Variants in WDPCP observed in about 807,000 individuals in gnomAD.
The protein encoded by WDPCP is WD repeat-containing and planar cell polarity effector protein fritz homolog.
Under a neutral mutation model 93.1 loss-of-function variants are expected in WDPCP, and 71 were observed. That is an observed-to-expected ratio of 0.76 (90% CI 0.63 to 0.93). The LOEUF (loss-of-function observed/expected upper bound fraction) is 0.93. WDPCP is among the 40% of genes least tolerant of loss of function. The probability of loss-of-function intolerance (pLI) is 0.00; values close to 1 mark genes in which losing one functional copy is unlikely to be tolerated. For synonymous variants in WDPCP, 315 were observed against 315.0 expected (o/e 1.00, Z 0.00); for missense variants, 844 against 887.4 (o/e 0.95, Z 0.62).
intron 2 of WDPCP, among the ~76,000 whole-genome samples, chr2:63,670,480 G>T (rs1575743419): frequency 6.6e-6 from 1 of 152,266 alleles, no homozygotes; most frequent in Non-Finnish European, 1.5e-5. Flanking sequence ...GTGGCTTCTA[G>T]ATTTTTTAAT....
At chr2:63,394,923 C>G (rs1374622468) in intron 10 of WDPCP, among the ~76,000 whole-genome samples, 1 of 152,022 alleles carries the variant, frequency 6.6e-6, no homozygotes, top group Admixed American at 6.6e-5. Flanking sequence ...GATCGAAAAA[C>G]TGCCTATTGA....
At chr2:63,502,141 G>A (rs1242625039) in intron 1 of WDPCP, among the ~76,000 whole-genome samples, 1 of 152,002 alleles carries the variant, frequency 6.6e-6, no homozygotes, top group Non-Finnish European at 1.5e-5. Context: ...TGTTCATTTT[G>A]TGTTTTTATA....
chr2:63,134,578 C>A (rs1325021291), intron 17 of WDPCP, among the ~76,000 whole-genome samples: 1 of 152,160 alleles, frequency 6.6e-6, no homozygotes, highest in African/African-American at 2.4e-5. Flanking sequence ...GCACTTTGAA[C>A]ACTGGTGTTT....
intron 2 of WDPCP, chr2:63,752,274 T>C: frequency 2.5e-6 from 2 of 815,944 alleles, no homozygotes; most frequent in Non-Finnish European, 4.2e-6. Context: ...AAATAATCTC[T>C]CAGGTGATGT....
intron 13 of WDPCP, among the ~76,000 whole-genome samples, chr2:63,298,695 G>C: frequency 6.6e-6 from 1 of 152,110 alleles, no homozygotes; most frequent in African/African-American, 2.4e-5. Context: ...TTTGGGACTT[G>C]GGCTGAGCCA....
intron 13 of WDPCP, 48 bp downstream of exon 13, chr2:63,313,200 C>A: frequency 6.4e-7 from 1 of 1,561,190 alleles, no homozygotes; most frequent in Admixed American, 1.7e-5. Flanking sequence ...AAGCTGACAA[C>A]TTAGCCTTAG....
intron 17 of WDPCP, among the ~76,000 whole-genome samples, chr2:63,127,405 G>A (rs146167522): frequency 1.8e-3 from 270 of 151,904 alleles, no homozygotes; most frequent in African/African-American, 6.1e-3. Context: ...TTACAAGCGT[G>A]AGCCACCGCA....
At chr2:63,307,617 C>T (rs1685842607) in intron 13 of WDPCP, among the ~76,000 whole-genome samples, 1 of 152,204 alleles carries the variant, frequency 6.6e-6, no homozygotes, top group Admixed American at 6.5e-5. Context: ...ACAAACCTGA[C>T]AAAAACAAGC....
At chr2:63,405,142 T>C (rs536390580) in intron 9 of WDPCP, among the ~76,000 whole-genome samples, 8 of 152,186 alleles carry the variant, frequency 5.3e-5, no homozygotes, top group South Asian at 4.1e-4. Context: ...TCTGAAATTA[T>C]TGGTAAATTG....
chr2:63,356,145 A>G lies in WDPCP; in HGVS notation c.1748+22241T>C, dbSNP rs181717410. ...TTGCAATCCTAATTTCAGACAAAAC[A>G]GATTTCAAACCAACAATGATCAAAA... On this transcript the variant is annotated intron_variant, in intron 12 of 17. Coordinates refer to ENST00000272321, the MANE Select transcript of WDPCP (RefSeq NM_015910.7). Among the ~76,000 whole-genome samples the G allele has an allele frequency of 2.0e-3, 301 of 152,330 alleles. 1 individual carries two copies. The highest frequency in any genetic ancestry group is 0.017 in the Admixed American group (264 of 15,302).
At chr2:63,344,453 G>A (rs1172131483) in intron 12 of WDPCP, among the ~76,000 whole-genome samples, 2 of 152,152 alleles carry the variant, frequency 1.3e-5, no homozygotes, top group African/African-American at 4.8e-5. Context: ...AAGTCCTCCA[G>A]AGGTGTAAAC....
rs1190393777 is a variant in WDPCP, at chr2:63,404,286, C to T, written c.1197G>A (p.Gly399=). The T allele has an allele frequency of 1.2e-6, 2 of 1,613,916 alleles. No homozygotes were observed. Among genetic ancestry groups the T allele is most frequent in the Non-Finnish European group, 1.7e-6 (2 of 1,179,990 alleles). The change falls in exon 10 of 18, where the codon GGG becomes GGA. Residue 399 remains glycine, a synonymous_variant. Transcript: ENST00000272321. ...GAGCCATATCAAAAATTTGCAACTC[C>T]CCTTGGTTGCTGCCAACTAGCAGAA... The part of the protein sequence containing the change: ...GAILLVGSNQ[G]ELQIFDMALS...
At chr2:63,536,008 A>C (rs934360647) in intron 1 of WDPCP, among the ~76,000 whole-genome samples, 1 of 152,216 alleles carries the variant, frequency 6.6e-6, no homozygotes, top group African/African-American at 2.4e-5. Context: ...ATTTAAACAA[A>C]TTTACAAGAA....
chr2:63,239,885 A>G (rs923916947), intron 14 of WDPCP, among the ~76,000 whole-genome samples: 51 of 152,312 alleles, frequency 3.3e-4, no homozygotes, highest in African/African-American at 1.2e-3. Flanking sequence ...CTCTAAGAGA[A>G]TATTCAAGCT....
At position 63,500,454 on chromosome 2, in the gene WDPCP, G is replaced by GTGTGTGTGTGTGTGT. The variant is rs1553412903; in HGVS notation, c.76-7515_76-7514insACACACACACACACA. ...GCCTTGAAAGAGAAAATGGTGTGGG[G>GTGTGTGTGTGTGTGT]GTGTGTGTGTGTGTGTGTGTGTGTG... On this transcript the variant is annotated intron_variant, in intron 1 of 17. Coordinates refer to ENST00000272321, the MANE Select transcript of WDPCP (RefSeq NM_015910.7). Among the ~76,000 whole-genome samples, 264 of 149,578 alleles carry GTGTGTGTGTGTGTGT rather than the reference G, an allele frequency of 1.8e-3. 3 individuals are homozygous for GTGTGTGTGTGTGTGT. Among genetic ancestry groups the GTGTGTGTGTGTGTGT allele is most frequent in the African/African-American group, 5.0e-3 (203 of 40,522 alleles).
chr2:63,169,554 A>G (rs1673230123), intron 15 of WDPCP, among the ~76,000 whole-genome samples: 1 of 152,248 alleles, frequency 6.6e-6, no homozygotes, highest in Admixed American at 6.5e-5. Flanking sequence ...AAAAATGTTT[A>G]GGGCCTTCTG....
At chr2:63,461,050 T>C (rs1417736274) in intron 6 of WDPCP, among the ~76,000 whole-genome samples, 2 of 152,054 alleles carry the variant, frequency 1.3e-5, no homozygotes, top group African/African-American at 4.8e-5. Context: ...GGATCTAAGG[T>C]TGAGAATGTG....
intron 13 of WDPCP, among the ~76,000 whole-genome samples, chr2:63,288,631 T>C (rs1462953527): frequency 6.6e-6 from 1 of 152,200 alleles, no homozygotes; most frequent in African/African-American, 2.4e-5. Context: ...TCAGCGTTTC[T>C]TTTCCACAAA....
chr2:63,233,507 G>A (rs536182498), intron 14 of WDPCP: 274 of 174,434 alleles, frequency 1.6e-3, no homozygotes, highest in Non-Finnish European at 2.5e-3. Context: ...TTCTCCAATC[G>A]GTAAAACTTC....
Sources: gnomAD v4.1 joint callset for allele counts (sites outside exome capture counted in the v4.1 genomes callset) on GRCh38, gnomAD v4.1.1 for gene constraint, MANE v1.5 for transcripts, NCBI Gene and HGNC (gene_info 2026-07-23, HGNC 2026-07-21) for gene names.